TEK: variants seen among roughly 807,000 people sequenced by gnomAD.
The protein encoded by TEK is angiopoietin-1 receptor.
TEK carries 43 observed loss-of-function variants against 131.8 expected under a neutral mutation model. That is an observed-to-expected ratio of 0.33 (90% CI 0.26 to 0.42). TEK has a LOEUF of 0.42. Ranked by LOEUF, TEK falls within the 10% of genes least tolerant of loss-of-function variation. The pLI is 1.00. For missense variants in TEK, 1,162 were observed against 1,384.4 expected (o/e 0.84, Z 2.55); for synonymous variants, 580 against 491.6 (o/e 1.18, Z -2.38).
intron 4 of TEK, among the ~76,000 whole-genome samples, chr9:27,171,798 T>C (rs1823968768): frequency 6.6e-6 from 1 of 152,210 alleles, no homozygotes; most frequent in South Asian, 2.1e-4. Flanking sequence ...TACCTTTACA[T>C]GAAGTTTCTG....
rs368981223 is a variant in TEK at position 27,158,907 on chromosome 9, C to T, written c.364+765C>T. 5.3e-5 allele frequency among the ~76,000 whole-genome samples: 8 copies of T among 152,336 alleles called. No homozygotes were observed. In the South Asian group the frequency reaches 6.2e-4, roughly 12 times the overall value. ...ATCTGTAGACCTCGTGATCTGCCCG[C>T]CATGGCCTCCCAAAGTGTTGGGATT... On this transcript the variant is annotated intron_variant, in intron 2 of 22. Transcript: ENST00000380036.
chr9:27,214,135 A>T (rs1825731999), intron 18 of TEK, among the ~76,000 whole-genome samples: 1 of 150,536 alleles, frequency 6.6e-6, no homozygotes, highest in South Asian at 2.1e-4. Flanking sequence ...GTAATATTTT[A>T]TCTTTAAGTA....
intron 1 of TEK, among the ~76,000 whole-genome samples, chr9:27,114,025 C>T (rs887336087): frequency 3.9e-5 from 6 of 152,216 alleles, no homozygotes; most frequent in African/African-American, 1.4e-4. Flanking sequence ...GATGTTCTTC[C>T]CCTAAGTTTA....
At position 27,206,648 on chromosome 9, in the gene TEK, C is replaced by A. The variant is rs747459353; in HGVS notation, c.2431C>A (p.Pro811Thr). 6.2e-7 allele frequency: 1 copy of A among 1,613,928 alleles called. No individual in the cohort carries two copies. The highest frequency in any genetic ancestry group is 1.1e-5 in the South Asian group (1 of 91,060). Residue 811 changes from proline to threonine, a missense_variant, in exon 15 of 23, where the codon CCA (proline) becomes ACA (threonine). Physicochemically the swap from Pro to Thr is conservative, Grantham distance 38 (BLOSUM62 -1). This residue lies in a region of TEK where 477 missense variants were observed against 471.0 expected (regional missense o/e 1.01). Coordinates refer to ENST00000380036, the MANE Select transcript of TEK (RefSeq NM_000459.5). ...LALNRKVKNN[P>T]DPTIYPVLDW... ...CCTAAACAGGAAGGTCAAAAACAAC[C>A]CAGATCCTACAATTTATCCAGTGCT...
At chr9:27,166,537 C>G (rs972020812) in intron 2 of TEK, among the ~76,000 whole-genome samples, 3 of 152,114 alleles carry the variant, frequency 2.0e-5, no homozygotes, top group African/African-American at 7.2e-5. Flanking sequence ...TAAAATCTAA[C>G]AAGGTTTTAT....
chr9:27,115,385 G>A (rs1332958279), intron 1 of TEK, among the ~76,000 whole-genome samples: 1 of 152,066 alleles, frequency 6.6e-6, no homozygotes, highest in Non-Finnish European at 1.5e-5. Context: ...TGTAGTCCCA[G>A]CTACTCGGGT....
At chr9:27,161,050 T>C (rs1165194166) in intron 2 of TEK, among the ~76,000 whole-genome samples, 3 of 152,242 alleles carry the variant, frequency 2.0e-5, no homozygotes, top group Non-Finnish European at 2.9e-5. Context: ...CTTGCTGTAC[T>C]GTCCTGAGGT....
At chr9:27,175,630 C>T (rs1824140107) in intron 6 of TEK, among the ~76,000 whole-genome samples, 1 of 151,720 alleles carries the variant, frequency 6.6e-6, no homozygotes, top group African/African-American at 2.4e-5. Context: ...CCTATTTCTC[C>T]ACATCCTCTC....
At chr9:27,125,302 T>C (rs111254317) in intron 1 of TEK, among the ~76,000 whole-genome samples, 2 of 152,350 alleles carry the variant, frequency 1.3e-5, no homozygotes, top group African/African-American at 4.8e-5. Context: ...AAATTATGAT[T>C]GCAGCATGAG....
intron 11 of TEK, among the ~76,000 whole-genome samples, chr9:27,196,547 C>G (rs1825017788): frequency 6.6e-6 from 1 of 152,108 alleles, no homozygotes; most frequent in Non-Finnish European, 1.5e-5. Context: ...AAATACCTGA[C>G]ACTGGGTAAT....
chr9:27,120,770 G>A (rs1290416576), intron 1 of TEK, among the ~76,000 whole-genome samples: 1 of 152,216 alleles, frequency 6.6e-6, no homozygotes, highest in Non-Finnish European at 1.5e-5. Flanking sequence ...CTTTGAGACT[G>A]CACCTGCTCA....
At chr9:27,113,126 A>G (rs551890793) in intron 1 of TEK, among the ~76,000 whole-genome samples, 1 of 152,368 alleles carries the variant, frequency 6.6e-6, no homozygotes, top group Admixed American at 6.5e-5. Flanking sequence ...AGGAGGAAAC[A>G]TGGATTACAA....
rs567509523 is a variant in TEK, at chr9:27,137,227, C to T, written c.53-20604C>T. 1.2e-4 allele frequency among the ~76,000 whole-genome samples: 17 copies of T among 147,298 alleles called. No individual in the cohort carries two copies. In the East Asian group the frequency reaches 2.9e-3, roughly 25 times the overall value. On this transcript the variant is annotated intron_variant, in intron 1 of 22. Coordinates refer to ENST00000380036, the MANE Select transcript of TEK (RefSeq NM_000459.5). ...GCCACTGTGCCTGGCCTAAATCTAT[C>T]TTTTGATAAAACTTCACGGATATTT...
At chr9:27,110,101 A>G (rs1193516275) in intron 1 of TEK, among the ~76,000 whole-genome samples, 10 of 152,142 alleles carry the variant, frequency 6.6e-5, no homozygotes, top group African/African-American at 2.4e-4. Flanking sequence ...GTTAAAAGGG[A>G]ACAAAGATGC....
intron 10 of TEK, among the ~76,000 whole-genome samples, chr9:27,191,045 G>A (rs921764639): frequency 6.6e-6 from 1 of 152,202 alleles, no homozygotes; most frequent in African/African-American, 2.4e-5. Flanking sequence ...GGAAAGTCCA[G>A]AGCCTGCTGG....
rs10121367 is a variant in TEK, at chr9:27,218,717, C to A, written c.3063-60C>A. On this transcript the variant is annotated intron_variant, in intron 19 of 22. Transcript: ENST00000380036. ...GGTGGGTCTCCCTGGCTTTTGGGGC[C>A]GGAAAATGAGCGGTGACTCTGTTTG... The A allele has an allele frequency of 0.23, 364,331 of 1,597,546 alleles. 43,947 individuals are homozygous for A. Among genetic ancestry groups the A allele is most frequent in the African/African-American group, 0.45 (33,477 of 74,546 alleles).
In TEK at chr9:27,212,668, G is replaced by T. The variant is rs771044207; in HGVS notation, c.2687-39G>T. ...ATCTCTTAAATGTCATAGCTGTTCA[G>T]GGCCACTGATGAGTCGATGCTCTCT... On this transcript the variant is annotated intron_variant, in intron 16 of 22. Transcript: ENST00000380036. 1.2e-5 allele frequency: 20 copies of T among 1,608,048 alleles called. No individual in the cohort carries two copies. In the African/African-American group the frequency reaches 2.4e-4, roughly 19 times the overall value.
At chr9:27,205,167 AT>A in intron 14 of TEK, 102 bp downstream of exon 14, 6 of 1,432,508 alleles carry the variant, frequency 4.2e-6, no homozygotes, top group Non-Finnish European at 5.8e-6. Context: ...TAAAGTAAAT[AT>A]TTCCCTTAGG....
intron 7 of TEK, 124 bp downstream of exon 7, chr9:27,180,492 G>A: frequency 7.2e-7 from 1 of 1,385,982 alleles, no homozygotes; most frequent in Non-Finnish European, 9.9e-7. Flanking sequence ...CCAGAAGTTG[G>A]GAATAGTTTA....
Sources: allele counts gnomAD v4.1 joint callset (sites outside exome capture counted in the v4.1 genomes callset), GRCh38; gene constraint gnomAD v4.1.1; regional missense constraint gnomAD v4.1.1; transcripts MANE v1.5; gene names NCBI Gene and HGNC (gene_info 2026-07-23, HGNC 2026-07-21).